SFMBT1: variants seen among roughly 807,000 people sequenced by gnomAD.
The protein encoded by SFMBT1 is scm-like with four MBT domains protein 1.
Under a neutral mutation model 108.7 loss-of-function variants are expected in SFMBT1, and 32 were observed. That is an observed-to-expected ratio of 0.29 (90% CI 0.22 to 0.40). The LOEUF (loss-of-function observed/expected upper bound fraction) is 0.40. Among genes scored for constraint, SFMBT1 ranks in the 10% least tolerant of loss-of-function variants. The pLI is 1.00. For synonymous variants in SFMBT1, 348 were observed against 369.5 expected, an observed-to-expected ratio of 0.94 and a Z score of 0.67; for missense variants, 816 against 1,059.6, an observed-to-expected ratio of 0.77 and a Z score of 3.19.
In SFMBT1 at chr3:53,001,401, T is replaced by C. The variant is rs187867216; in HGVS notation, c.-130-32143A>G. Among the ~76,000 whole-genome samples, 163 of 149,778 alleles carry C rather than the reference T, an allele frequency of 1.1e-3. 6 individuals carry two copies. The highest frequency in any genetic ancestry group is 3.4e-3 in the African/African-American group (142 of 41,322). The stretch of plus-strand genomic sequence containing the variant: ...AGCCATGATCGTGTGTCACTTTAGC[T>C]TGCATGACAGAGTGAGACTCCAACT... On this transcript the variant is annotated intron_variant, in intron 1 of 20. Coordinates refer to ENST00000394752, the MANE Select transcript of SFMBT1 (RefSeq NM_016329.4).
chr3:52,998,229 A>G (rs560864467), intron 1 of SFMBT1, among the ~76,000 whole-genome samples: 1 of 149,902 alleles, frequency 6.7e-6, no homozygotes, highest in Non-Finnish European at 1.5e-5. Flanking sequence ...CGTCTCTACT[A>G]AAAATACAAA....
rs1397774745 is a variant in SFMBT1, at chr3:53,032,891, G to C, written c.-131+12925C>G. Among the ~76,000 whole-genome samples, 3 of 152,216 alleles carry C rather than the reference G, an allele frequency of 2.0e-5. No homozygotes were observed. In the East Asian group the frequency reaches 5.8e-4, roughly 29 times the overall value. ...AACCTGAGGGAGTCCAGGAGGGAAG[G>C]CTTCACAGAAGCCCTGGGCCTTAAA... On this transcript the variant is annotated intron_variant, in intron 1 of 20. Coordinates refer to ENST00000394752, the MANE Select transcript of SFMBT1 (RefSeq NM_016329.4).
intron 7 of SFMBT1, 74 bp from the exon 8 acceptor site, chr3:52,930,504 T>A: frequency 1.2e-6 from 1 of 859,404 alleles, no homozygotes; most frequent in Non-Finnish European, 2.0e-6. Context: ...TAGCTGTGAT[T>A]AACAGAAATG....
chr3:52,936,827 A>T (rs1703021552), intron 4 of SFMBT1, among the ~76,000 whole-genome samples: 1 of 151,912 alleles, frequency 6.6e-6, no homozygotes, highest in Admixed American at 6.6e-5. Flanking sequence ...CTTTCATTTA[A>T]CTCATCCATC....
intron 1 of SFMBT1, among the ~76,000 whole-genome samples, chr3:52,973,643 T>G (rs1455168701): frequency 6.6e-6 from 1 of 151,178 alleles, no homozygotes; most frequent in Non-Finnish European, 1.5e-5. Context: ...CTTGGTGGGG[T>G]TTTTTTACAC....
At chr3:52,905,559 T>C (rs908170725) in intron 20 of SFMBT1, among the ~76,000 whole-genome samples, 1 of 152,250 alleles carries the variant, frequency 6.6e-6, no homozygotes, top group African/African-American at 2.4e-5. Flanking sequence ...GTAAACTGAC[T>C]AGCCCTGTAA....
intron 1 of SFMBT1, among the ~76,000 whole-genome samples, chr3:53,007,321 C>T (rs1047062774): frequency 9.2e-5 from 14 of 152,168 alleles, no homozygotes; most frequent in Non-Finnish European, 2.9e-5. Flanking sequence ...TGCCTGCCAC[C>T]TTCACCGTTG....
chr3:53,005,042 A>G (rs1460680066), intron 1 of SFMBT1, among the ~76,000 whole-genome samples: 7 of 152,196 alleles, frequency 4.6e-5, no homozygotes, highest in Non-Finnish European at 4.4e-5. Context: ...GTAGTTTTGA[A>G]AAGTCAGGAG....
At chr3:53,044,738 AAC>A (rs1047711224) in intron 1 of SFMBT1, among the ~76,000 whole-genome samples, 3 of 152,198 alleles carry the variant, frequency 2.0e-5, no homozygotes, top group African/African-American at 7.2e-5. Flanking sequence ...TTGGTTCTCA[AAC>A]ACAGATCACT....
intron 1 of SFMBT1, among the ~76,000 whole-genome samples, chr3:52,973,659 A>G (rs1575412487): frequency 6.6e-6 from 1 of 152,144 alleles, no homozygotes; most frequent in South Asian, 2.1e-4. Flanking sequence ...TACACACAGT[A>G]TCACTGTGTT....
At chr3:52,968,011 G>A (rs928514354) in intron 2 of SFMBT1, among the ~76,000 whole-genome samples, 6 of 152,192 alleles carry the variant, frequency 3.9e-5, no homozygotes, top group Non-Finnish European at 7.3e-5. Flanking sequence ...AGCAACTTAT[G>A]TGTTGGTAAG....
At position 52,930,705 on chromosome 3, in the gene SFMBT1, A is replaced by G. The variant is rs545350402; in HGVS notation, c.795+236T>C. Among the ~76,000 whole-genome samples the G allele has an allele frequency of 4.6e-5, 7 of 152,380 alleles. No homozygotes were observed. The South Asian group carries it at 1.2e-3, about 27-fold the overall frequency. On this transcript the variant is annotated intron_variant, in intron 7 of 20. Coordinates refer to ENST00000394752, the MANE Select transcript of SFMBT1 (RefSeq NM_016329.4). ...TTTATTTTATCAGTTAAGACTATGTAGTTAAGGGTAAAAAAGAAAAGGTTC... is the reference window on the plus strand; with the variant it reads ...TTTATTTTATCAGTTAAGACTATGTGGTTAAGGGTAAAAAAGAAAAGGTTC...
At chr3:52,937,862 T>G (rs1703063369) in intron 4 of SFMBT1, among the ~76,000 whole-genome samples, 2 of 152,146 alleles carry the variant, frequency 1.3e-5, no homozygotes, top group African/African-American at 4.8e-5. Flanking sequence ...ATTACAGGAG[T>G]GAGCCACTGC....
chr3:52,938,342 T>G (rs931365713), intron 4 of SFMBT1, among the ~76,000 whole-genome samples: 1 of 152,198 alleles, frequency 6.6e-6, no homozygotes, highest in African/African-American at 2.4e-5. Flanking sequence ...ATATACTTCG[T>G]GTATATGTAG....
At chr3:53,023,716 G>A (rs770666086) in intron 1 of SFMBT1, among the ~76,000 whole-genome samples, 13 of 152,202 alleles carry the variant, frequency 8.5e-5, no homozygotes, top group Non-Finnish European at 1.8e-4. Flanking sequence ...TAGCATCAGT[G>A]AGAAATGCGG....
chr3:52,925,483 AT>A (rs1364758215), intron 10 of SFMBT1, among the ~76,000 whole-genome samples: 2 of 152,262 alleles, frequency 1.3e-5, no homozygotes, highest in Non-Finnish European at 2.9e-5. Flanking sequence ...ACCAAGTGAC[AT>A]GTCTAAAATA....
chr3:52,988,604 T>G (rs540459987), intron 1 of SFMBT1, among the ~76,000 whole-genome samples: 1 of 152,314 alleles, frequency 6.6e-6, no homozygotes, highest in African/African-American at 2.4e-5. Flanking sequence ...TTAGAAAAAG[T>G]ATAAATTATT....
chr3:52,980,405 T>C (rs564655722), intron 1 of SFMBT1, among the ~76,000 whole-genome samples: 4 of 152,012 alleles, frequency 2.6e-5, no homozygotes, highest in Non-Finnish European at 4.4e-5. Context: ...ATAAATAATA[T>C]CACAATAAAA....
rs767781259 is a variant in SFMBT1 at position 52,926,017 on chromosome 3, G to A, written c.1131+14C>T. The A allele has an allele frequency of 1.0e-5, 16 of 1,604,700 alleles. No individual in the cohort carries two copies. The highest frequency in any genetic ancestry group is 4.5e-5 in the East Asian group (2 of 44,000). On this transcript the variant is annotated intron_variant, in intron 10 of 20. Transcript: ENST00000394752. Reference sequence around the variant, plus strand: ...GCCCTGCCATAGTGGCCATGAGGCCGTGGGGGTCCTCACCGGAGGGAAGCA... The same window carrying A: ...GCCCTGCCATAGTGGCCATGAGGCCATGGGGGTCCTCACCGGAGGGAAGCA...
Sources: allele counts gnomAD v4.1 joint callset (sites outside exome capture counted in the v4.1 genomes callset), GRCh38; gene constraint gnomAD v4.1.1; transcripts MANE v1.5; gene names NCBI Gene and HGNC (gene_info 2026-07-23, HGNC 2026-07-21).